NIFK: variants seen among roughly 807,000 people sequenced by gnomAD.
NIFK encodes MKI67 FHA domain-interacting nucleolar phosphoprotein.
Under a neutral mutation model 31.7 loss-of-function variants are expected in NIFK, and 16 were observed. The observed-to-expected ratio is 0.50, with a 90% CI of 0.34 to 0.77. The LOEUF (loss-of-function observed/expected upper bound fraction) is 0.77, where lower values mean the gene tolerates loss of function less well. Ranked by LOEUF, NIFK falls within the 30% of genes least tolerant of loss-of-function variation. The probability of loss-of-function intolerance (pLI) is 0.01; values close to 1 mark genes in which losing one functional copy is unlikely to be tolerated. For missense variants in NIFK, 341 were observed against 350.4 expected, an observed-to-expected ratio of 0.97 and a Z score of 0.21; for synonymous variants, 126 against 123.0, an observed-to-expected ratio of 1.02 and a Z score of -0.16.
In NIFK at chr2:121,732,029, T is replaced by C. The variant is rs147451160; in HGVS notation, c.352+67A>G. 1.0e-5 allele frequency: 9 copies of C among 882,710 alleles called. No individual in the cohort carries two copies. The Admixed American group carries it at 1.6e-4, about 16-fold the overall frequency. 54.7% of individuals were successfully genotyped at this position (882,710 alleles called of 1,614,324 possible). The stretch of plus-strand genomic sequence containing the variant: ...GTCCAAGCAGCTAGGCAAGCCGCCC[T>C]TCCCACCACAGTCACCCACCAACAG... On this transcript the variant is annotated intron_variant, in intron 3 of 6. Coordinates refer to ENST00000285814, the MANE Select transcript of NIFK (RefSeq NM_032390.5).
intron 4 of NIFK, among the ~76,000 whole-genome samples, chr2:121,729,443 C>G (rs1039203793): frequency 1.8e-4 from 27 of 151,762 alleles, no homozygotes; most frequent in Admixed American, 9.2e-4. Flanking sequence ...CATTCTTGAT[C>G]TATAATAAAA....
rs1014198415 is a variant in NIFK at position 121,727,202 on chromosome 2, T to C, written c.*522A>G. 1 of 261,746 alleles carries C rather than the reference T, an allele frequency of 3.8e-6. No individual in the cohort carries two copies. Among genetic ancestry groups the C allele is most frequent in the African/African-American group, 2.2e-5 (1 of 44,620 alleles). 16.2% of individuals were successfully genotyped at this position (261,746 alleles called of 1,614,324 possible). A position where few individuals can be genotyped will look rare whatever the true frequency, so the allele number is the denominator to read the frequency against. On this transcript the variant is annotated 3_prime_UTR_variant, in exon 7 of 7. Coordinates refer to ENST00000285814, the MANE Select transcript of NIFK (RefSeq NM_032390.5). Reference sequence around the variant, plus strand: ...TAAAAATGAGTCATTTTTGAATCTCTATTAAAATCTGAACACATAAACAAA... The same window carrying C: ...TAAAAATGAGTCATTTTTGAATCTCCATTAAAATCTGAACACATAAACAAA...
At position 121,731,118 on chromosome 2, in the gene NIFK, GA is replaced by G; in HGVS notation, c.353-15del. The stretch of plus-strand genomic sequence containing the variant: ...GCATAAAATGACCTATTTTCAAAAA[GA>G]AAAAAACATAAAGGTATTTTAATGT... On this transcript the variant is annotated splice_polypyrimidine_tract_variant and intron_variant, in intron 3 of 6. Coordinates refer to ENST00000285814, the MANE Select transcript of NIFK (RefSeq NM_032390.5). 1 of 1,435,134 alleles carries G rather than the reference GA, an allele frequency of 7.0e-7. No homozygotes were observed. Among genetic ancestry groups the G allele is most frequent in the Non-Finnish European group, 9.6e-7 (1 of 1,042,606 alleles). 88.9% of individuals were successfully genotyped at this position (1,435,134 alleles called of 1,614,324 possible). A position where few individuals can be genotyped will look rare whatever the true frequency, so the allele number is the denominator to read the frequency against.
rs538368417 is a variant in NIFK, at chr2:121,736,867, G to A, written c.-17C>T. On this transcript the variant is annotated 5_prime_UTR_variant, in exon 1 of 7. Coordinates refer to ENST00000285814, the MANE Select transcript of NIFK (RefSeq NM_032390.5). ...AGTCGCCATGCCAAAAGCCGCCGAC[G>A]CTAACCACGCGGCGCTCCCGGAAAC... 2.7e-5 allele frequency: 44 copies of A among 1,601,446 alleles called. No individual in the cohort carries two copies. The highest frequency in any genetic ancestry group is 1.8e-4 in the South Asian group (16 of 90,856).
At chr2:121,728,664 T>G in intron 4 of NIFK, 128 bp from the exon 5 acceptor site, 1 of 590,784 alleles carries the variant, frequency 1.7e-6, no homozygotes, top group Non-Finnish European at 2.9e-6. Flanking sequence ...AAATCAAAAC[T>G]CATAAATACA....
intron 2 of NIFK, among the ~76,000 whole-genome samples, chr2:121,733,481 C>T (rs538342848): frequency 6.6e-6 from 1 of 151,684 alleles, no homozygotes; most frequent in Admixed American, 6.6e-5. Context: ...TGCCACTGCA[C>T]TCCAGCCTGG....
chr2:121,728,396 T>C lies in NIFK; in HGVS notation c.625-40A>G. ...TAAAACACATCAATTTGAATATTGA[T>C]CAGCTACAGTAGTCTTGAATATGTT... On this transcript the variant is annotated intron_variant, in intron 5 of 6. Coordinates refer to ENST00000285814, the MANE Select transcript of NIFK (RefSeq NM_032390.5). 2.7e-6 allele frequency: 4 copies of C among 1,474,548 alleles called. No individual in the cohort carries two copies. The South Asian group carries it at 4.6e-5, about 17-fold the overall frequency. The allele number at this position is 1,474,548 out of a possible 1,614,324, so 91.3% of individuals were successfully genotyped here.
At chr2:121,731,542 TC>T (rs2074539924) in intron 3 of NIFK, among the ~76,000 whole-genome samples, 1 of 152,244 alleles carries the variant, frequency 6.6e-6, no homozygotes, top group Non-Finnish European at 1.5e-5. Context: ...GCAACGCGAT[TC>T]CTGACCTTTG....
At chr2:121,734,653 C>T (rs1443677672) in intron 2 of NIFK, among the ~76,000 whole-genome samples, 1 of 151,996 alleles carries the variant, frequency 6.6e-6, no homozygotes, top group Non-Finnish European at 1.5e-5. Context: ...ATTAGCCAGG[C>T]ATGGTGGCAG....
Position 121,727,750 on chromosome 2 carries a change from T to C in NIFK, c.856A>G (p.Lys286Glu). Residue 286 changes from lysine to glutamate, a missense_variant, in exon 7 of 7, where the codon AAA (lysine) becomes GAA (glutamate). Physicochemically the swap from Lys to Glu is moderately conservative, Grantham distance 56 (BLOSUM62 1). Transcript: ENST00000285814. ...ETQTPTHSRK[K>E]RRRSSNQ is the part of the protein sequence containing the mutation. ...CACTGATTGCTGCTTCTTCGTCTTTTTTTCCGTGAATGTGTAGGTGTTTGA... is the reference window on the plus strand; with the variant it reads ...CACTGATTGCTGCTTCTTCGTCTTTCTTTCCGTGAATGTGTAGGTGTTTGA... 6 of 1,600,756 alleles carry C rather than the reference T, an allele frequency of 3.7e-6. No individual in the cohort carries two copies. The highest frequency in any genetic ancestry group is 5.1e-6 in the Non-Finnish European group (6 of 1,177,310).
At chr2:121,730,817 A>T in intron 4 of NIFK, 76 bp downstream of exon 4, 2 of 956,270 alleles carry the variant, frequency 2.1e-6, no homozygotes, top group Non-Finnish European at 3.4e-6. Flanking sequence ...GTGCTAGGCT[A>T]GGTACTTTAC....
rs372869253 is a variant in NIFK at position 121,736,830 on chromosome 2, C to G, written c.21G>C (p.Pro7=). The change falls in exon 1 of 7, where the codon CCG becomes CCC. Residue 7 remains proline, a synonymous_variant. Transcript: ENST00000285814. MATFSG[P]AGPILSLNPQ... is the part of the protein sequence containing the mutation. ...GATTAAGCGACAGGATTGGCCCAGCCGGGCCAGAAAAAGTCGCCATGCCAA... is the reference window on the plus strand; with the variant it reads ...GATTAAGCGACAGGATTGGCCCAGCGGGGCCAGAAAAAGTCGCCATGCCAA... 4 of 1,614,034 alleles carry G rather than the reference C, an allele frequency of 2.5e-6. No individual in the cohort carries two copies.
chr2:121,735,743 T>C lies in NIFK; in HGVS notation c.113A>G (p.Lys38Arg). Residue 38 changes from lysine (K) to arginine (R), a missense_variant, in exon 2 of 7, where the codon AAA becomes AGA. Physicochemically the swap from Lys to Arg is conservative, Grantham distance 26 (BLOSUM62 2). Transcript: ENST00000285814. The part of the protein sequence containing the change: ...QVRKRITQRK[K>R]QEQLTPGVVY... ...TACTCCAGGAGTAAGTTGTTCTTGTTTTTTTCGCTAAAGACGTAAAGACCA... is the reference window on the plus strand; with the variant it reads ...TACTCCAGGAGTAAGTTGTTCTTGTCTTTTTCGCTAAAGACGTAAAGACCA... 1 of 1,612,248 alleles carries C rather than the reference T, an allele frequency of 6.2e-7. No individual in the cohort carries two copies. The highest frequency in any genetic ancestry group is 2.2e-5 in the East Asian group (1 of 44,874).
chr2:121,731,023 G>A lies in NIFK; in HGVS notation c.434C>T (p.Ser145Leu). 2 of 1,612,286 alleles carry A rather than the reference G, an allele frequency of 1.2e-6. No individual in the cohort carries two copies. The highest frequency in any genetic ancestry group is 1.7e-6 in the Non-Finnish European group (2 of 1,178,364). ...NIPFKQPSYP[S>L]VKRYNRNRTL... ...CCGATTCCGATTATACCGTTTCACTGATGGATATGATGGCTGCTTAAATGG... is the reference window on the plus strand; with the variant it reads ...CCGATTCCGATTATACCGTTTCACTAATGGATATGATGGCTGCTTAAATGG... Residue 145 changes from serine to leucine, a missense_variant, in exon 4 of 7, where the codon TCA (serine) becomes TTA (leucine). Transcript: ENST00000285814.
chr2:121,732,258 T>C, intron 2 of NIFK, 54 bp from the exon 3 acceptor site: 2 of 1,017,798 alleles, frequency 2.0e-6, no homozygotes, highest in Non-Finnish European at 3.1e-6. Flanking sequence ...GAATGCGTCA[T>C]CAAATTCCTA....
chr2:121,735,914 C>T (rs991373693), intron 1 of NIFK, 164 bp from the exon 2 acceptor site: 1 of 596,688 alleles, frequency 1.7e-6, no homozygotes, highest in African/African-American at 1.9e-5. Context: ...AGGCCATGGT[C>T]AAGCAGTAGT....
rs568306543 is a variant in NIFK, at chr2:121,736,873, C to T, written c.-23G>A. 2 of 1,593,932 alleles carry T rather than the reference C, an allele frequency of 1.3e-6. No homozygotes were observed. The highest frequency in any genetic ancestry group is 2.2e-5 in the South Asian group (2 of 90,690). Reference sequence around the variant, plus strand: ...CATGCCAAAAGCCGCCGACGCTAACCACGCGGCGCTCCCGGAAACGTCGGG... The same window carrying T: ...CATGCCAAAAGCCGCCGACGCTAACTACGCGGCGCTCCCGGAAACGTCGGG... On this transcript the variant is annotated 5_prime_UTR_variant, in exon 1 of 7. Coordinates refer to ENST00000285814, the MANE Select transcript of NIFK (RefSeq NM_032390.5).
intron 3 of NIFK, chr2:121,731,329 AG>A (rs2074537895): frequency 5.8e-6 from 3 of 517,606 alleles, no homozygotes; most frequent in Non-Finnish European, 1.0e-5. Context: ...CCATGGGCAC[AG>A]GGAAGCCAGA....
At chr2:121,728,087 G>A (rs1559904200) in intron 6 of NIFK, 175 bp from the exon 7 acceptor site, 2 of 721,008 alleles carry the variant, frequency 2.8e-6, no homozygotes, top group East Asian at 2.9e-5. Context: ...TATCAAACTT[G>A]GTACAGAAAT....
Sources: gnomAD v4.1 joint callset for allele counts (sites outside exome capture counted in the v4.1 genomes callset) on GRCh38, gnomAD v4.1.1 for gene constraint, MANE v1.5 for transcripts, NCBI Gene and HGNC (gene_info 2026-07-23, HGNC 2026-07-21) for gene names.